Variants in PTPN2 observed in about 807,000 individuals in gnomAD.
PTPN2 encodes protein tyrosine phosphatase non-receptor type 2.
A neutral mutation model predicts 57.3 loss-of-function variants in PTPN2; 19 were observed. The ratio of observed to expected loss-of-function variants is 0.33; its 90% CI spans 0.23 to 0.49. The LOEUF (loss-of-function observed/expected upper bound fraction) is 0.49, where lower values mean the gene tolerates loss of function less well. Among genes scored for constraint, PTPN2 ranks in the 20% least tolerant of loss-of-function variants. The pLI, the probability that PTPN2 is intolerant of heterozygous loss-of-function variation, is 0.99. For missense variants in PTPN2, 358 were observed against 501.1 expected, an observed-to-expected ratio of 0.71 and a Z score of 2.73; for synonymous variants, 153 against 164.9, an observed-to-expected ratio of 0.93 and a Z score of 0.55.
chr18:12,794,248 T>C lies in PTPN2; in HGVS notation c.*30A>G. On this transcript the variant is annotated 3_prime_UTR_variant, in exon 9 of 9. Coordinates refer to ENST00000309660, the MANE Select transcript of PTPN2 (RefSeq NM_002828.4). ...TTAATGTAGCACTGTCAGTTACTAG[T>C]GCAGAAGCTTGCTGGGCAAAATTAA... The C allele has an allele frequency of 6.2e-7, 1 of 1,613,626 alleles. No homozygotes were observed. The highest frequency in any genetic ancestry group is 8.5e-7 in the Non-Finnish European group (1 of 1,179,812).
chr18:12,799,219 C>G (rs903258270), intron 8 of PTPN2, among the ~76,000 whole-genome samples: 5 of 151,992 alleles, frequency 3.3e-5, no homozygotes, highest in Non-Finnish European at 7.4e-5. Flanking sequence ...GAGTTCGAGA[C>G]CAGCCTGGCC....
chr18:12,846,414 A>G (rs1046909246), intron 2 of PTPN2, among the ~76,000 whole-genome samples: 2 of 152,130 alleles, frequency 1.3e-5, no homozygotes, highest in Non-Finnish European at 2.9e-5. Flanking sequence ...TTATGTATTC[A>G]TTTGTTTCTT....
At chr18:12,821,617 G>A (rs570218890) in intron 5 of PTPN2, among the ~76,000 whole-genome samples, 2 of 152,318 alleles carry the variant, frequency 1.3e-5, no homozygotes, top group African/African-American at 4.8e-5. Flanking sequence ...TGGCAGAAAC[G>A]GCTAGGGACA....
rs564135181 is a variant in PTPN2 at position 12,838,865 on chromosome 18, G to T, written c.161-1974C>A. The stretch of plus-strand genomic sequence containing the variant: ...CACTAGATATTATTTTAATTCTTCT[G>T]TTCTTTTAAGAAAAACACATACAAA... On this transcript the variant is annotated intron_variant, in intron 2 of 8. Coordinates refer to ENST00000309660, the MANE Select transcript of PTPN2 (RefSeq NM_002828.4). Among the ~76,000 whole-genome samples the T allele has an allele frequency of 4.8e-4, 73 of 151,830 alleles. No individual in the cohort carries two copies. In the South Asian group the frequency reaches 8.5e-3, roughly 18 times the overall value.
At chr18:12,844,259 G>T (rs552972705) in intron 2 of PTPN2, among the ~76,000 whole-genome samples, 5 of 152,338 alleles carry the variant, frequency 3.3e-5, no homozygotes, top group Non-Finnish European at 4.4e-5. Context: ...ACACACTTTT[G>T]TGTGGACATT....
At chr18:12,831,269 A>G (rs2042659147) in intron 3 of PTPN2, among the ~76,000 whole-genome samples, 1 of 152,184 alleles carries the variant, frequency 6.6e-6, no homozygotes, top group African/African-American at 2.4e-5. Flanking sequence ...TCAGGCAAAA[A>G]AGGAATTGTG....
intron 5 of PTPN2, among the ~76,000 whole-genome samples, chr18:12,818,607 G>T (rs2042160651): frequency 6.6e-6 from 1 of 151,286 alleles, no homozygotes; most frequent in South Asian, 2.1e-4. Context: ...AAACGAAGCA[G>T]TGGTCTTCCA....
At chr18:12,840,809 C>T in intron 2 of PTPN2, 1 of 1,598,360 alleles carries the variant, frequency 6.3e-7, no homozygotes, top group East Asian at 2.2e-5. Flanking sequence ...CTGACATCAC[C>T]TTTTCACGTT....
rs1486699284 is a variant in PTPN2, at chr18:12,831,729, A to T, written c.262-688T>A. On this transcript the variant is annotated intron_variant, in intron 3 of 8. Coordinates refer to ENST00000309660, the MANE Select transcript of PTPN2 (RefSeq NM_002828.4). The stretch of plus-strand genomic sequence containing the variant: ...GTACCTGAACCACAATGAAACTGTT[A>T]ATCTACAAATGCACAGTATGTACGG... 3.9e-5 allele frequency among the ~76,000 whole-genome samples: 6 copies of T among 152,224 alleles called. No individual in the cohort carries two copies. In the East Asian group the frequency reaches 1.2e-3, roughly 29 times the overall value.
At chr18:12,824,871 A>C (rs2042394311) in intron 5 of PTPN2, among the ~76,000 whole-genome samples, 1 of 152,104 alleles carries the variant, frequency 6.6e-6, no homozygotes, top group African/African-American at 2.4e-5. Flanking sequence ...GGATCGCTTG[A>C]GCTCAGGAGT....
intron 2 of PTPN2, among the ~76,000 whole-genome samples, chr18:12,846,546 A>G (rs992648297): frequency 6.6e-6 from 1 of 152,140 alleles, no homozygotes; most frequent in African/African-American, 2.4e-5. Context: ...CATCCTTCTG[A>G]TATGTCTTCA....
chr18:12,794,911 C>A (rs370241141), intron 8 of PTPN2, among the ~76,000 whole-genome samples: 1 of 152,182 alleles, frequency 6.6e-6, no homozygotes, highest in Non-Finnish European at 1.5e-5. Flanking sequence ...GTGTGAGCCA[C>A]GGCGCCCGGC....
chr18:12,796,145 T>C (rs1372288204), intron 8 of PTPN2, among the ~76,000 whole-genome samples: 5 of 152,044 alleles, frequency 3.3e-5, no homozygotes, highest in Non-Finnish European at 7.4e-5. Flanking sequence ...AATACAAATG[T>C]CAAGCAAGGA....
At chr18:12,826,744 T>C (rs2042475851) in intron 4 of PTPN2, among the ~76,000 whole-genome samples, 1 of 152,022 alleles carries the variant, frequency 6.6e-6, no homozygotes. Flanking sequence ...AATTTTTGTA[T>C]TTTTAGTAGA....
intron 2 of PTPN2, 93 bp downstream of exon 2, chr18:12,859,071 A>G: frequency 1.2e-6 from 1 of 855,248 alleles, no homozygotes; most frequent in Non-Finnish European, 1.8e-6. Context: ...TACTGTATTT[A>G]TCAACACTGA....
intron 7 of PTPN2, among the ~76,000 whole-genome samples, chr18:12,807,586 A>AAAAAAAAAAAATAT: frequency 5.7e-5 from 2 of 35,198 alleles, no homozygotes; most frequent in Admixed American, 5.6e-4. Context: ...AAAAAAAAAA[A>AAAAAAAAAAAATAT]ATATATATAT....
intron 8 of PTPN2, among the ~76,000 whole-genome samples, chr18:12,794,689 T>C (rs914283875): frequency 1.3e-5 from 2 of 152,218 alleles, no homozygotes; most frequent in African/African-American, 4.8e-5. Flanking sequence ...TGGTACAATC[T>C]TGGTTCACTG....
At chr18:12,842,991 G>C (rs137944521) in intron 2 of PTPN2, among the ~76,000 whole-genome samples, 1 of 152,100 alleles carries the variant, frequency 6.6e-6, no homozygotes, top group African/African-American at 2.4e-5. Flanking sequence ...AAACTAATTC[G>C]GCAGAAAGGA....
intron 8 of PTPN2, among the ~76,000 whole-genome samples, chr18:12,796,671 G>A (rs1000489633): frequency 4.6e-5 from 7 of 152,084 alleles, no homozygotes; most frequent in African/African-American, 1.4e-4. Flanking sequence ...CCATGCAAAC[G>A]CTTGCCAATA....
Sources: allele counts gnomAD v4.1 joint callset (sites outside exome capture counted in the v4.1 genomes callset), GRCh38; gene constraint gnomAD v4.1.1; transcripts MANE v1.5; gene names NCBI Gene and HGNC (gene_info 2026-07-23, HGNC 2026-07-21).